The following KLHL24 variants were observed in gnomAD, a reference collection of about 807,000 sequenced individuals.
The protein encoded by KLHL24 is kelch-like protein 24.
In KLHL24, 29 loss-of-function variants were observed where a neutral mutation model predicts 53.4. The observed-to-expected ratio is 0.54, with a 90% CI of 0.40 to 0.74. The LOEUF (loss-of-function observed/expected upper bound fraction) is 0.74, where lower values mean the gene tolerates loss of function less well. Ranked by LOEUF, KLHL24 falls within the 30% of genes least tolerant of loss-of-function variation. KLHL24 has a pLI of 0.00. For missense variants in KLHL24, 504 were observed against 744.0 expected (o/e 0.68, Z 3.75); for synonymous variants, 222 against 253.7 (o/e 0.88, Z 1.19).
chr3:183,640,885 C>T (rs1716315422), intron 1 of KLHL24, among the ~76,000 whole-genome samples: 1 of 151,984 alleles, frequency 6.6e-6, no homozygotes, highest in African/African-American at 2.4e-5. Context: ...CAGGCGTGAG[C>T]CACCTCGGCC....
intron 5 of KLHL24, among the ~76,000 whole-genome samples, chr3:183,668,492 A>G (rs1720884618): frequency 6.6e-6 from 1 of 152,206 alleles, no homozygotes; most frequent in South Asian, 2.1e-4. Context: ...AGCTTATAAA[A>G]CATACTTAAA....
Position 183,648,236 on chromosome 3 carries a change from G to A in KLHL24, c.-61-2060G>A, listed in dbSNP as rs113820470. On this transcript the variant is annotated intron_variant, in intron 2 of 7. Coordinates refer to ENST00000242810, the MANE Select transcript of KLHL24 (RefSeq NM_017644.3). ...TATCTGGGGCATTAGAGTGAGAAGA[G>A]AGGATGGAGATAAATAGGAACATGA... 1.3e-3 allele frequency among the ~76,000 whole-genome samples: 204 copies of A among 152,290 alleles called. 2 individuals carry two copies. In the East Asian group the frequency reaches 0.028, roughly 21 times the overall value.
intron 5 of KLHL24, among the ~76,000 whole-genome samples, chr3:183,670,484 T>C (rs1721185595): frequency 6.6e-6 from 1 of 152,222 alleles, no homozygotes; most frequent in African/African-American, 2.4e-5. Flanking sequence ...AACTTTAAAG[T>C]TCATTTTGTG....
chr3:183,657,616 C>A (rs980718252), intron 3 of KLHL24, among the ~76,000 whole-genome samples: 1 of 152,218 alleles, frequency 6.6e-6, no homozygotes, highest in African/African-American at 2.4e-5. Context: ...GCACAGTTAA[C>A]TCACTTGCTC....
At chr3:183,664,236 T>C (rs1434685772) in intron 4 of KLHL24, 1 of 152,232 alleles carries the variant, frequency 6.6e-6, no homozygotes, top group Non-Finnish European at 1.5e-5. Context: ...ATGCTGTAAT[T>C]TTTTAAACTT....
chr3:183,649,125 A>G (rs900622172), intron 2 of KLHL24, among the ~76,000 whole-genome samples: 17 of 152,248 alleles, frequency 1.1e-4, no homozygotes, highest in African/African-American at 4.1e-4. Context: ...GTGAAAGGGA[A>G]CAAGACCTAG....
At chr3:183,638,287 T>A (rs955835568) in intron 1 of KLHL24, among the ~76,000 whole-genome samples, 3 of 152,262 alleles carry the variant, frequency 2.0e-5, no homozygotes, top group African/African-American at 7.2e-5. Context: ...ACTACCAGCT[T>A]TAACTTAAAC....
intron 5 of KLHL24, among the ~76,000 whole-genome samples, chr3:183,665,885 CT>C (rs10692613): frequency 1.5e-3 from 212 of 142,706 alleles, no homozygotes; most frequent in Middle Eastern, 3.6e-3. Context: ...GAGAATCAAA[CT>C]TTTTTTTTTT....
intron 2 of KLHL24, among the ~76,000 whole-genome samples, chr3:183,649,864 C>A (rs966012473): frequency 9.2e-5 from 14 of 152,080 alleles, no homozygotes; most frequent in African/African-American, 3.4e-4. Flanking sequence ...TCACTTTACT[C>A]CAAACTTGGT....
intron 1 of KLHL24, among the ~76,000 whole-genome samples, chr3:183,638,962 A>G (rs1715837505): frequency 6.6e-6 from 1 of 152,102 alleles, no homozygotes; most frequent in Admixed American, 6.5e-5. Flanking sequence ...GTACTTTCGG[A>G]GGCTGAGGCG....
At position 183,663,538 on chromosome 3, in the gene KLHL24, G is replaced by C; in HGVS notation, c.1001G>C (p.Cys334Ser). Reference protein sequence around the residue: ...VGGFNLPYTECYDPVTGEWKS... With the variant: ...VGGFNLPYTESYDPVTGEWKS... Reference sequence around the variant, plus strand: ...GGATTTAATCTTCCATACACTGAGTGCTACGATCCTGTAACAGGAGAATGG... The same window carrying C: ...GGATTTAATCTTCCATACACTGAGTCCTACGATCCTGTAACAGGAGAATGG... The change falls in exon 4 of 8, where the codon TGC becomes TCC. Residue 334 changes from cysteine to serine, a missense_variant. By Grantham distance (112) the Cys-to-Ser change is moderately radical. Transcript: ENST00000242810. This position sits in a 1 kb window ranked among gnomAD's most constrained non-coding sequence, Gnocchi z 4.9. The C allele has an allele frequency of 6.2e-7, 1 of 1,609,348 alleles. No homozygotes were observed. The highest frequency in any genetic ancestry group is 1.1e-5 in the South Asian group (1 of 90,130).
chr3:183,671,110 G>T lies in KLHL24; in HGVS notation c.1301G>T (p.Trp434Leu). 1 of 1,613,934 alleles carries T rather than the reference G, an allele frequency of 6.2e-7. No individual in the cohort carries two copies. The highest frequency in any genetic ancestry group is 8.5e-7 in the Non-Finnish European group (1 of 1,179,952). ...VECYDSFSNR[W>L]TEVAPLKEAV... ...TGTTATGATTCCTTTTCAAATCGAT[G>T]GACTGAAGTTGCTCCCCTTAAGGAA... The change falls in exon 6 of 8, where the codon TGG becomes TTG. Residue 434 changes from tryptophan (W) to leucine (L), a missense_variant. Physicochemically the swap from Trp to Leu is moderately conservative, Grantham distance 61. Coordinates refer to ENST00000242810, the MANE Select transcript of KLHL24 (RefSeq NM_017644.3).
chr3:183,661,060 G>C, intron 3 of KLHL24, among the ~76,000 whole-genome samples: 1 of 55,934 alleles, frequency 1.8e-5, no homozygotes. Context: ...GCGAGACTCC[G>C]TCTCAAAAAA....
chr3:183,671,468 TCTA>T (rs1721315003), intron 6 of KLHL24, among the ~76,000 whole-genome samples: 3 of 152,336 alleles, frequency 2.0e-5, no homozygotes, highest in South Asian at 4.1e-4. Context: ...GTAGAAGTTT[TCTA>T]CTAAATAAAT....
At position 183,674,243 on chromosome 3, in the gene KLHL24, TTTTCTTTCTTTCTTTC is replaced by T. The variant is rs370677824; in HGVS notation, c.1602+1804_1602+1819del. ...GTCTTGCTAGCTCATTTAGCATCAATTTTCTTTCTTTCTTTCTTTCTTTCTTTCTTTCTTTCTTTCT... is the reference window on the plus strand; with the variant it reads ...GTCTTGCTAGCTCATTTAGCATCAATTTTCTTTCTTTCTTTCTTTCTTTCT... On this transcript the variant is annotated intron_variant, in intron 7 of 7. Transcript: ENST00000242810. 6.4e-3 allele frequency among the ~76,000 whole-genome samples: 840 copies of T among 131,068 alleles called. 3 individuals carry two copies. Among genetic ancestry groups the T allele is most frequent in the African/African-American group, 0.013 (461 of 34,782 alleles). The allele number at this position is 131,068 out of a possible 152,430, so 86.0% of individuals were successfully genotyped here. A position where few individuals can be genotyped will look rare whatever the true frequency, so the allele number is the denominator to read the frequency against.
intron 1 of KLHL24, among the ~76,000 whole-genome samples, chr3:183,640,322 A>G (rs1716177155): frequency 6.6e-6 from 1 of 152,178 alleles, no homozygotes; most frequent in South Asian, 2.1e-4. Flanking sequence ...GAAACACTGG[A>G]GAAATTCATA....
chr3:183,659,904 C>T (rs1379427364), intron 3 of KLHL24, among the ~76,000 whole-genome samples: 1 of 152,050 alleles, frequency 6.6e-6, no homozygotes, highest in Non-Finnish European at 1.5e-5. Flanking sequence ...ACTGAAAATC[C>T]CATCCTGTGC....
chr3:183,671,575 C>T (rs1425804690), intron 6 of KLHL24, among the ~76,000 whole-genome samples: 1 of 152,146 alleles, frequency 6.6e-6, no homozygotes, highest in Non-Finnish European at 1.5e-5. Context: ...GACATAGTAA[C>T]TAAATATGCT....
Position 183,680,084 on chromosome 3 carries a change from T to C in KLHL24, c.*798T>C, listed in dbSNP as rs1055106214. 3 of 152,162 alleles carry C rather than the reference T, an allele frequency of 2.0e-5. No individual in the cohort carries two copies. Among genetic ancestry groups the C allele is most frequent in the Non-Finnish European group, 4.4e-5 (3 of 68,050 alleles). 9.4% of individuals were successfully genotyped at this position (152,162 alleles called of 1,614,324 possible). On this transcript the variant is annotated 3_prime_UTR_variant, in exon 8 of 8. Coordinates refer to ENST00000242810, the MANE Select transcript of KLHL24 (RefSeq NM_017644.3). ...AATCCTCTAAGAAAGCCTCTTTTCT[T>C]AACTTGATAAAGCAGTGGAAACCCA... is the stretch of plus-strand genomic sequence containing the variant.
Sources: allele counts gnomAD v4.1 joint callset (sites outside exome capture counted in the v4.1 genomes callset), GRCh38; gene constraint gnomAD v4.1.1; non-coding constraint Gnocchi (gnomAD v3.1); transcripts MANE v1.5; gene names NCBI Gene and HGNC (gene_info 2026-07-23, HGNC 2026-07-21).